The following XKR6 variants were observed in gnomAD, a reference collection of about 807,000 sequenced individuals.
XKR6 encodes XK related 6, also known as XK-related protein 6.
Under a neutral mutation model 56.7 loss-of-function variants are expected in XKR6, and 22 were observed. The observed-to-expected ratio is 0.39, with a 90% confidence interval of 0.28 to 0.55. The LOEUF (loss-of-function observed/expected upper bound fraction) is 0.55. Ranked by LOEUF, XKR6 falls within the 20% of genes least tolerant of loss-of-function variation. The pLI is 0.66. For missense variants in XKR6, 852 were observed against 889.0 expected, an observed-to-expected ratio of 0.96 and a Z score of 0.53; for synonymous variants, 524 against 387.8, an observed-to-expected ratio of 1.35 and a Z score of -4.13.
At chr8:10,945,840 G>C (rs751869275) in intron 1 of XKR6, among the ~76,000 whole-genome samples, 1 of 152,162 alleles carries the variant, frequency 6.6e-6, no homozygotes, top group South Asian at 2.1e-4. Flanking sequence ...AGAGCTGGGT[G>C]GTGTGCAGAG....
At chr8:11,059,849 A>T (rs1799787143) in intron 1 of XKR6, among the ~76,000 whole-genome samples, 1 of 152,070 alleles carries the variant, frequency 6.6e-6, no homozygotes, top group Admixed American at 6.5e-5. Flanking sequence ...TTCAGGATGA[A>T]GGGAGGTGGC....
At chr8:11,016,088 C>A (rs1452675506) in intron 1 of XKR6, among the ~76,000 whole-genome samples, 1 of 152,208 alleles carries the variant, frequency 6.6e-6, no homozygotes, top group East Asian at 1.9e-4. Flanking sequence ...CCGAGCTCGC[C>A]AGTCCTTCCC....
intron 1 of XKR6, among the ~76,000 whole-genome samples, chr8:11,008,914 G>A (rs145747555): frequency 0.014 from 2,060 of 152,228 alleles, 20 homozygotes; most frequent in Non-Finnish European, 0.022. Flanking sequence ...CCTCTACCAA[G>A]GCTGAGGGAA....
At chr8:11,132,684 T>C (rs1247514054) in intron 1 of XKR6, among the ~76,000 whole-genome samples, 2 of 152,014 alleles carry the variant, frequency 1.3e-5, no homozygotes, top group Non-Finnish European at 2.9e-5. Context: ...TAAAGTTCTA[T>C]GTCATACCTG....
intron 1 of XKR6, among the ~76,000 whole-genome samples, chr8:11,088,287 G>C (rs1044428811): frequency 1.3e-5 from 2 of 152,154 alleles, no homozygotes; most frequent in Non-Finnish European, 2.9e-5. Flanking sequence ...AACCCAATCT[G>C]ACATAAAATG....
At chr8:10,947,469 G>A (rs1801587438) in intron 1 of XKR6, among the ~76,000 whole-genome samples, 1 of 152,078 alleles carries the variant, frequency 6.6e-6, no homozygotes, top group Non-Finnish European at 1.5e-5. Flanking sequence ...GGGGATCGAG[G>A]GAGAGCAGCC....
At chr8:11,014,830 CT>C (rs747954315) in intron 1 of XKR6, among the ~76,000 whole-genome samples, 10 of 152,156 alleles carry the variant, frequency 6.6e-5, no homozygotes, top group African/African-American at 1.4e-4. Context: ...CGCGTACCCC[CT>C]GAATCCAAAA....
chr8:10,954,881 T>G (rs960544194), intron 1 of XKR6, among the ~76,000 whole-genome samples: 1 of 148,016 alleles, frequency 6.8e-6, no homozygotes, highest in Admixed American at 6.7e-5. Flanking sequence ...TTTTTTTTTT[T>G]TTTTTAGACA....
intron 1 of XKR6, among the ~76,000 whole-genome samples, chr8:10,941,759 C>G (rs2129123826): frequency 6.6e-6 from 1 of 152,262 alleles, no homozygotes; most frequent in Non-Finnish European, 1.5e-5. Context: ...GGCTGGGGAG[C>G]TGAGACCCCC....
intron 1 of XKR6, among the ~76,000 whole-genome samples, chr8:10,941,593 G>A (rs1801388474): frequency 6.6e-6 from 1 of 152,218 alleles, no homozygotes; most frequent in Non-Finnish European, 1.5e-5. Flanking sequence ...GCCCCTACCA[G>A]AGGCCTGCTC....
At chr8:10,929,902 T>TAAAC (rs1169167648) in intron 1 of XKR6, among the ~76,000 whole-genome samples, 1 of 152,202 alleles carries the variant, frequency 6.6e-6, no homozygotes, top group Non-Finnish European at 1.5e-5. Context: ...CCTTACTTTG[T>TAAAC]AAGCCATGGA....
intron 1 of XKR6, among the ~76,000 whole-genome samples, chr8:11,198,295 G>T (rs1804000072): frequency 6.6e-6 from 1 of 151,900 alleles, no homozygotes; most frequent in South Asian, 2.1e-4. Context: ...CCATCTAACT[G>T]GGAAAAAAAA....
chr8:11,118,666 AT>A (rs1409108310), intron 1 of XKR6, among the ~76,000 whole-genome samples: 1 of 152,006 alleles, frequency 6.6e-6, no homozygotes, highest in African/African-American at 2.4e-5. Flanking sequence ...CCCCTTTATC[AT>A]TTTTTATTGC....
chr8:10,976,185 A>C (rs1802552324), intron 1 of XKR6, among the ~76,000 whole-genome samples: 1 of 143,020 alleles, frequency 7.0e-6, no homozygotes, highest in African/African-American at 3.0e-5. Flanking sequence ...CAAGAAAAAA[A>C]AAAAGTGCCC....
intron 1 of XKR6, among the ~76,000 whole-genome samples, chr8:11,178,669 A>G (rs933543068): frequency 7.3e-6 from 1 of 136,456 alleles, no homozygotes; most frequent in Admixed American, 7.0e-5. Flanking sequence ...ATATATACAC[A>G]GAGATAAATA....
intron 1 of XKR6, among the ~76,000 whole-genome samples, chr8:10,928,515 G>A (rs529614729): frequency 2.2e-4 from 34 of 152,326 alleles, no homozygotes; most frequent in African/African-American, 7.9e-4. Flanking sequence ...TGTAAAATCC[G>A]GAGCTCCTGG....
At chr8:11,094,562 G>A (rs556097238) in intron 1 of XKR6, among the ~76,000 whole-genome samples, 1 of 152,096 alleles carries the variant, frequency 6.6e-6, no homozygotes, top group Non-Finnish European at 1.5e-5. Context: ...GAAACAGAAA[G>A]GGACTTCTCC....
At chr8:11,057,502 T>C (rs1252910888) in intron 1 of XKR6, among the ~76,000 whole-genome samples, 1 of 152,266 alleles carries the variant, frequency 6.6e-6, no homozygotes, top group Non-Finnish European at 1.5e-5. Flanking sequence ...TGCATCGTCG[T>C]GGCTCATCCT....
chr8:11,166,349 A>G (rs1447253978), intron 1 of XKR6, among the ~76,000 whole-genome samples: 1 of 152,158 alleles, frequency 6.6e-6, no homozygotes, highest in African/African-American at 2.4e-5. Flanking sequence ...CATGAAGATC[A>G]CAAGGCATCT....
Sources: gnomAD v4.1 joint callset for allele counts (sites outside exome capture counted in the v4.1 genomes callset) on GRCh38, gnomAD v4.1.1 for gene constraint, MANE v1.5 for transcripts, NCBI Gene and HGNC (gene_info 2026-07-23, HGNC 2026-07-21) for gene names.